The following ZNF644 variants were observed in gnomAD, a reference collection of about 807,000 sequenced individuals.
ZNF644 encodes the protein zinc finger protein 644.
A neutral mutation model predicts 108.0 loss-of-function variants in ZNF644; 20 were observed. The ratio of observed to expected loss-of-function variants is 0.19; its 90% CI spans 0.13 to 0.27. The LOEUF is 0.27. Among genes scored for constraint, ZNF644 ranks in the 10% least tolerant of loss-of-function variants. The pLI is 1.00. For synonymous variants in ZNF644, 542 were observed against 539.1 expected, an observed-to-expected ratio of 1.01 and a Z score of -0.08; for missense variants, 1,338 against 1,548.9, an observed-to-expected ratio of 0.86 and a Z score of 2.29.
intron 1 of ZNF644, among the ~76,000 whole-genome samples, chr1:91,017,807 C>A (rs982007776): frequency 6.6e-6 from 1 of 151,998 alleles, no homozygotes; most frequent in African/African-American, 2.4e-5. Flanking sequence ...ACTAAAAATA[C>A]AAACATTAGC....
intron 1 of ZNF644, among the ~76,000 whole-genome samples, chr1:91,001,501 A>G (rs1285935703): frequency 2.6e-5 from 4 of 152,100 alleles, no homozygotes; most frequent in Non-Finnish European, 5.9e-5. Flanking sequence ...CATGCTAGAA[A>G]CTCTCAATAA....
At chr1:91,020,156 A>G (rs1367696806) in intron 1 of ZNF644, among the ~76,000 whole-genome samples, 1 of 152,220 alleles carries the variant, frequency 6.6e-6, no homozygotes, top group East Asian at 1.9e-4. Context: ...TGATCCAGGA[A>G]TACATTTGCT....
intron 2 of ZNF644, among the ~76,000 whole-genome samples, chr1:90,980,538 G>C (rs533181074): frequency 3.9e-5 from 6 of 152,216 alleles, no homozygotes; most frequent in Non-Finnish European, 7.4e-5. Context: ...TAGCAAGTAG[G>C]AACAGAGATA....
chr1:91,009,263 G>A (rs921278988), intron 1 of ZNF644, among the ~76,000 whole-genome samples: 2 of 151,896 alleles, frequency 1.3e-5, no homozygotes, highest in African/African-American at 2.4e-5. Flanking sequence ...ATACTAAAAC[G>A]TGGTATCTTA....
chr1:90,937,813 T>G lies in ZNF644; in HGVS notation c.3360A>C (p.Gln1120His). ...GGTATGCTTCAAGAGGTATAACATT[T>G]TGAGATATAAAGTCATCACTTGATG... Reference protein sequence around the residue: ...KLASSDDFISQNVIPLEAYRN... With the variant: ...KLASSDDFISHNVIPLEAYRN... Residue 1120 changes from glutamine to histidine, a missense_variant, in exon 4 of 6, where the codon CAA becomes CAC. Transcript: ENST00000337393. The G allele has an allele frequency of 5.6e-6, 9 of 1,613,910 alleles. No individual in the cohort carries two copies. The highest frequency in any genetic ancestry group is 7.6e-6 in the Non-Finnish European group (9 of 1,179,888).
chr1:90,978,413 A>G (rs1000090725), intron 2 of ZNF644, among the ~76,000 whole-genome samples: 1 of 152,150 alleles, frequency 6.6e-6, no homozygotes. Flanking sequence ...ACAGCTGGAA[A>G]GGGTCAATGT....
intron 4 of ZNF644, among the ~76,000 whole-genome samples, chr1:90,927,850 C>T (rs1274844412): frequency 6.6e-6 from 1 of 151,648 alleles, no homozygotes; most frequent in Admixed American, 6.6e-5. Context: ...TCCTTCCTTC[C>T]TTCCTTCTTT....
intron 1 of ZNF644, among the ~76,000 whole-genome samples, chr1:91,005,854 T>C (rs1659369399): frequency 6.6e-6 from 1 of 150,780 alleles, no homozygotes; most frequent in African/African-American, 2.4e-5. Context: ...TCTAAGAAAT[T>C]AGAAAAAGAC....
At chr1:90,917,337 T>C (rs1222970966) in intron 5 of ZNF644, among the ~76,000 whole-genome samples, 2 of 152,156 alleles carry the variant, frequency 1.3e-5, no homozygotes, top group Non-Finnish European at 2.9e-5. Context: ...GCATTGTGTC[T>C]ATGTTTCTTC....
At chr1:90,948,263 TA>T (rs1652723287) in intron 2 of ZNF644, among the ~76,000 whole-genome samples, 2 of 152,324 alleles carry the variant, frequency 1.3e-5, no homozygotes, top group South Asian at 2.1e-4. Flanking sequence ...TTGAAGAACT[TA>T]AAAGCTAAGA....
chr1:90,937,345 C>T (rs1482324195), intron 4 of ZNF644, 140 bp downstream of exon 4: 2 of 1,151,484 alleles, frequency 1.7e-6, no homozygotes, highest in African/African-American at 3.1e-5. Flanking sequence ...AGTAGAATAA[C>T]CAATCTGTGC....
intron 1 of ZNF644, among the ~76,000 whole-genome samples, chr1:90,993,783 A>AT (rs370421230): frequency 4.6e-5 from 7 of 152,252 alleles, no homozygotes; most frequent in African/African-American, 1.7e-4. Flanking sequence ...TTCAATTATA[A>AT]TTTTTTTGTG....
chr1:90,963,357 G>C (rs926030838), intron 2 of ZNF644, among the ~76,000 whole-genome samples: 2 of 152,098 alleles, frequency 1.3e-5, no homozygotes, highest in African/African-American at 4.8e-5. Flanking sequence ...TGAGGATACA[G>C]AGCAACAGGA....
At chr1:90,953,171 TCTC>T (rs1310881127) in intron 2 of ZNF644, among the ~76,000 whole-genome samples, 1 of 151,894 alleles carries the variant, frequency 6.6e-6, no homozygotes, top group Non-Finnish European at 1.5e-5. Context: ...CTACCAAACA[TCTC>T]CCCCCCTCAT....
chr1:90,970,407 G>T (rs2101274676), intron 2 of ZNF644, among the ~76,000 whole-genome samples: 1 of 152,240 alleles, frequency 6.6e-6, no homozygotes, highest in South Asian at 2.1e-4. Context: ...ATGACAGATT[G>T]TGCAACTCCT....
chr1:90,989,121 A>T (rs1011565900), intron 1 of ZNF644, among the ~76,000 whole-genome samples: 2 of 152,236 alleles, frequency 1.3e-5, no homozygotes, highest in Non-Finnish European at 2.9e-5. Context: ...CAAATCATGT[A>T]TCTGATAAGA....
intron 1 of ZNF644, among the ~76,000 whole-genome samples, chr1:90,994,885 A>G (rs1040978422): frequency 4.6e-5 from 7 of 152,182 alleles, no homozygotes; most frequent in Non-Finnish European, 1.0e-4. Context: ...AAGCTAGAAG[A>G]AAACAGAGAT....
chr1:91,008,210 T>C (rs1659627324), intron 1 of ZNF644, among the ~76,000 whole-genome samples: 1 of 152,192 alleles, frequency 6.6e-6, no homozygotes, highest in Non-Finnish European at 1.5e-5. Flanking sequence ...AGTACAGAGA[T>C]CCTCAGGTTG....
At chr1:90,934,611 T>C (rs1248811685) in intron 4 of ZNF644, among the ~76,000 whole-genome samples, 1 of 152,206 alleles carries the variant, frequency 6.6e-6, no homozygotes, top group Non-Finnish European at 1.5e-5. Flanking sequence ...TTTTCACAGA[T>C]GAGCAGTATT....
Sources: gnomAD v4.1 joint callset for allele counts (sites outside exome capture counted in the v4.1 genomes callset) on GRCh38, gnomAD v4.1.1 for gene constraint, MANE v1.5 for transcripts, NCBI Gene and HGNC (gene_info 2026-07-23, HGNC 2026-07-21) for gene names.